The following FOXN3 variants were observed in gnomAD, a reference collection of about 807,000 sequenced individuals.
FOXN3 encodes the protein forkhead box N3.
A neutral mutation model predicts 38.4 loss-of-function variants in FOXN3; 7 were observed. The observed-to-expected ratio is 0.18, with a 90% CI of 0.10 to 0.34. FOXN3 has a LOEUF of 0.34. Among genes scored for constraint, FOXN3 ranks in the 10% least tolerant of loss-of-function variants. FOXN3 has a pLI of 1.00. For synonymous variants in FOXN3, 230 were observed against 242.2 expected (o/e 0.95, Z 0.47); for missense variants, 456 against 613.4 (o/e 0.74, Z 2.71).
intron 3 of FOXN3, among the ~76,000 whole-genome samples, chr14:89,335,863 A>G (rs945497950): frequency 6.6e-6 from 1 of 152,188 alleles, no homozygotes; most frequent in African/African-American, 2.4e-5. Flanking sequence ...CCCTACAGAC[A>G]TATCAAAAAC....
intron 2 of FOXN3, chr14:89,401,438 C>T (rs1566641666): frequency 5.5e-5 from 20 of 366,898 alleles, no homozygotes; most frequent in South Asian, 3.7e-4. Context: ...ACAGCAACAA[C>T]AACAACAGTA....
intron 2 of FOXN3, among the ~76,000 whole-genome samples, chr14:89,394,499 GC>G (rs1751238146): frequency 6.6e-6 from 1 of 152,086 alleles, no homozygotes; most frequent in African/African-American, 2.4e-5. Flanking sequence ...GAGCCACTGC[GC>G]CCAGTCTCAA....
rs1199758043 is a variant in FOXN3, at chr14:89,354,230, TTGTTTGTTTTTTC to T, written c.544-3435_544-3423del. On this transcript the variant is annotated intron_variant, in intron 2 of 5. Transcript: ENST00000557258. ...GAATGCTTTTTTTGTTTGGTTTTTT[TTGTTTGTTTTTTC>T]TTAGACAGAGTCTCGCTCTTGTTGC... is the stretch of plus-strand genomic sequence containing the variant. Among the ~76,000 whole-genome samples the T allele has an allele frequency of 9.8e-3, 1,481 of 151,850 alleles. 10 individuals carry two copies. The highest frequency in any genetic ancestry group is 0.018 in the African/African-American group (753 of 41,452).
chr14:89,291,790 C>A (rs1331784950), intron 3 of FOXN3, among the ~76,000 whole-genome samples: 1 of 152,240 alleles, frequency 6.6e-6, no homozygotes, highest in Non-Finnish European at 1.5e-5. Flanking sequence ...GGCCGGATTT[C>A]TTAACCTCAG....
At chr14:89,366,128 C>T (rs1016445193) in intron 2 of FOXN3, among the ~76,000 whole-genome samples, 1 of 152,108 alleles carries the variant, frequency 6.6e-6, no homozygotes, top group Non-Finnish European at 1.5e-5. Context: ...TGGCGGATGC[C>T]TGTAGTCCCA....
chr14:89,249,160 A>T (rs1885380552), intron 4 of FOXN3, among the ~76,000 whole-genome samples: 1 of 152,212 alleles, frequency 6.6e-6, no homozygotes, highest in Non-Finnish European at 1.5e-5. Context: ...CACAACAGAT[A>T]CACTGTACTC....
chr14:89,325,344 C>CACT lies in FOXN3; in HGVS notation c.680+25327_680+25328insAGT, dbSNP rs764499359. On this transcript the variant is annotated intron_variant, in intron 3 of 5. Transcript: ENST00000557258. Reference sequence around the variant, plus strand: ...CCACCACCACCACCACCACCACCACCACCACCACCACCACCACTACCACCA... The same window carrying CACT: ...CCACCACCACCACCACCACCACCACCACTACCACCACCACCACCACTACCACCA... Among the ~76,000 whole-genome samples the CACT allele has an allele frequency of 9.8e-3, 1,384 of 140,782 alleles. 9 individuals carry two copies. Among genetic ancestry groups the CACT allele is most frequent in the Non-Finnish European group, 0.014 (955 of 65,902 alleles). The allele number at this position is 140,782 out of a possible 152,430, so 92.4% of individuals were successfully genotyped here.
intron 3 of FOXN3, among the ~76,000 whole-genome samples, chr14:89,321,469 C>T (rs1005058305): frequency 2.1e-4 from 32 of 151,964 alleles, no homozygotes; most frequent in Non-Finnish European, 3.1e-4. Flanking sequence ...CCAGCTACTT[C>T]GGGAGGCTGA....
At chr14:89,459,258 A>G (rs1206584404) in intron 1 of FOXN3, among the ~76,000 whole-genome samples, 1 of 152,252 alleles carries the variant, frequency 6.6e-6, no homozygotes, top group Admixed American at 6.5e-5. Flanking sequence ...TGCAACTTCA[A>G]ACCAGTAGGG....
intron 1 of FOXN3, among the ~76,000 whole-genome samples, chr14:89,522,036 GAAAGA>G (rs1015922381): frequency 1.4e-5 from 2 of 142,514 alleles, no homozygotes; most frequent in African/African-American, 5.0e-5. Context: ...AAAGAAAAAA[GAAAGA>G]AAAGAAAACT....
At chr14:89,508,442 C>T (rs1033315477) in intron 1 of FOXN3, among the ~76,000 whole-genome samples, 2 of 152,100 alleles carry the variant, frequency 1.3e-5, no homozygotes, top group African/African-American at 2.4e-5. Flanking sequence ...GTATCAGCTC[C>T]CAGAGGCACC....
At chr14:89,356,118 C>T (rs936650673) in intron 2 of FOXN3, among the ~76,000 whole-genome samples, 2 of 151,968 alleles carry the variant, frequency 1.3e-5, no homozygotes, top group Admixed American at 1.3e-4. Flanking sequence ...TTAAGACAGG[C>T]CAGGCATGGT....
chr14:89,205,719 T>C (rs1018641978), intron 4 of FOXN3, among the ~76,000 whole-genome samples: 1 of 152,238 alleles, frequency 6.6e-6, no homozygotes, highest in African/African-American at 2.4e-5. Context: ...ACAAGCCGCC[T>C]GCAGATGGCA....
At chr14:89,293,467 C>T (rs1196982071) in intron 3 of FOXN3, among the ~76,000 whole-genome samples, 2 of 152,194 alleles carry the variant, frequency 1.3e-5, no homozygotes, top group Non-Finnish European at 2.9e-5. Context: ...CTGTTCCTGG[C>T]CTCCCTCGCA....
At chr14:89,525,732 CA>C (rs1894420258) in intron 1 of FOXN3, among the ~76,000 whole-genome samples, 1 of 151,444 alleles carries the variant, frequency 6.6e-6, no homozygotes, top group South Asian at 2.1e-4. Context: ...CAAATGCTTC[CA>C]AAAAATTGAA....
At chr14:89,315,410 GT>G (rs1249714004) in intron 3 of FOXN3, among the ~76,000 whole-genome samples, 1 of 152,106 alleles carries the variant, frequency 6.6e-6, no homozygotes, top group Non-Finnish European at 1.5e-5. Flanking sequence ...GGCGTCAATA[GT>G]CCATCAGCTC....
chr14:89,378,351 C>G (rs909661432), intron 2 of FOXN3, among the ~76,000 whole-genome samples: 10 of 152,188 alleles, frequency 6.6e-5, no homozygotes, highest in African/African-American at 2.4e-4. Flanking sequence ...ATCACAGGCT[C>G]TCTCTCGTGC....
At chr14:89,589,033 T>G (rs1895901728) in intron 1 of FOXN3, among the ~76,000 whole-genome samples, 2 of 152,160 alleles carry the variant, frequency 1.3e-5, no homozygotes. Context: ...GCAAAACATA[T>G]GCCACAAATC....
At chr14:89,575,716 T>C (rs1000532734) in intron 1 of FOXN3, among the ~76,000 whole-genome samples, 5 of 152,208 alleles carry the variant, frequency 3.3e-5, no homozygotes, top group African/African-American at 1.2e-4. Context: ...AGCTCCCAAA[T>C]CAGAGGATAC....
Sources: allele counts gnomAD v4.1 joint callset (sites outside exome capture counted in the v4.1 genomes callset), GRCh38; gene constraint gnomAD v4.1.1; transcripts MANE v1.5; gene names NCBI Gene and HGNC (gene_info 2026-07-23, HGNC 2026-07-21).